EFL1: variants seen among roughly 807,000 people sequenced by gnomAD.
EFL1 encodes the protein elongation factor like GTPase 1.
EFL1 carries 76 observed loss-of-function variants against 126.7 expected under a neutral mutation model. The ratio of observed to expected loss-of-function variants is 0.60; its 90% CI spans 0.50 to 0.73. EFL1 has a LOEUF of 0.73. Ranked by LOEUF, EFL1 falls within the 30% of genes least tolerant of loss-of-function variation. The pLI, the probability that EFL1 is intolerant of heterozygous loss-of-function variation, is 0.00. For synonymous variants in EFL1, 410 were observed against 448.4 expected (o/e 0.91, Z 1.08); for missense variants, 1,128 against 1,343.2 (o/e 0.84, Z 2.50).
chr15:82,152,531 T>C (rs796120470), intron 17 of EFL1, 108 bp from the exon 18 acceptor site: 13 of 970,064 alleles, frequency 1.3e-5, no homozygotes, highest in African/African-American at 9.9e-5. Flanking sequence ...CATAGGAACA[T>C]AAAAATTATC....
intron 12 of EFL1, among the ~76,000 whole-genome samples, chr15:82,221,400 C>T (rs999869034): frequency 6.6e-6 from 1 of 152,176 alleles, no homozygotes; most frequent in Non-Finnish European, 1.5e-5. Flanking sequence ...GCTCCTGATG[C>T]AAAGTGGCCT....
At chr15:82,251,412 G>C (rs1042128858) in intron 4 of EFL1, among the ~76,000 whole-genome samples, 2 of 152,104 alleles carry the variant, frequency 1.3e-5, no homozygotes, top group African/African-American at 4.8e-5. Context: ...CCTTAATAAA[G>C]TGGTTAAAGG....
intron 15 of EFL1, among the ~76,000 whole-genome samples, chr15:82,208,176 A>G (rs1467059635): frequency 6.6e-6 from 1 of 152,244 alleles, no homozygotes; most frequent in East Asian, 1.9e-4. Context: ...ACACAAATAT[A>G]CAGAACTGAA....
chr15:82,241,211 A>G, intron 5 of EFL1, 59 bp downstream of exon 5: 1 of 1,590,486 alleles, frequency 6.3e-7, no homozygotes, highest in South Asian at 1.1e-5. Flanking sequence ...AAAGTCAGTC[A>G]GTTCCCCCTC....
intron 16 of EFL1, among the ~76,000 whole-genome samples, chr15:82,163,402 G>A (rs573532269): frequency 6.6e-6 from 1 of 152,282 alleles, no homozygotes; most frequent in African/African-American, 2.4e-5. Context: ...TTAGCCAGGT[G>A]TGGTGGTGGA....
Position 82,187,092 on chromosome 15 carries a change from GA to G in EFL1, c.1751-23109del, listed in dbSNP as rs1226114495. Reference sequence around the variant, plus strand: ...TTTTTATCCATTTTAAAGAGTAATTGAAAAAATGTTCTTTATTATACATCAT... The same window carrying G: ...TTTTTATCCATTTTAAAGAGTAATTGAAAAATGTTCTTTATTATACATCAT... On this transcript the variant is annotated intron_variant, in intron 15 of 19. Transcript: ENST00000268206. 3.3e-5 allele frequency among the ~76,000 whole-genome samples: 5 copies of G among 152,172 alleles called. No homozygotes were observed. In the East Asian group the frequency reaches 9.6e-4, roughly 29 times the overall value.
At chr15:82,220,258 C>A (rs745591610) in intron 12 of EFL1, 29 bp from the exon 13 acceptor site, 1 of 1,551,194 alleles carries the variant, frequency 6.4e-7, no homozygotes, top group Admixed American at 2.0e-5. Context: ...ATGCTGTCAT[C>A]TCTCAGTTCA....
chr15:82,258,140 T>C (rs2075082120), intron 3 of EFL1, among the ~76,000 whole-genome samples: 1 of 152,194 alleles, frequency 6.6e-6, no homozygotes, highest in East Asian at 1.9e-4. Context: ...ATAAACCCTA[T>C]TGATCATATC....
At chr15:82,252,484 C>T (rs565412143) in intron 4 of EFL1, among the ~76,000 whole-genome samples, 1 of 152,302 alleles carries the variant, frequency 6.6e-6, no homozygotes, top group African/African-American at 2.4e-5. Flanking sequence ...GTGTGAATTG[C>T]CAGTTCTTCT....
chr15:82,165,438 G>A (rs1032427027), intron 15 of EFL1, among the ~76,000 whole-genome samples: 7 of 152,140 alleles, frequency 4.6e-5, no homozygotes, highest in African/African-American at 1.4e-4. Context: ...CCAGACTGGT[G>A]GAGAGGAACT....
chr15:82,204,164 G>A (rs2074500576), intron 15 of EFL1, among the ~76,000 whole-genome samples: 1 of 151,600 alleles, frequency 6.6e-6, no homozygotes, highest in Admixed American at 6.6e-5. Context: ...TCTAATGTCT[G>A]CCACATGTCA....
intron 15 of EFL1, among the ~76,000 whole-genome samples, chr15:82,179,350 T>A (rs1377632744): frequency 6.6e-6 from 1 of 152,154 alleles, no homozygotes; most frequent in East Asian, 1.9e-4. Flanking sequence ...AATTTTTTTT[T>A]AAAGCTTTGC....
At chr15:82,261,197 C>T (rs576102813) in intron 2 of EFL1, among the ~76,000 whole-genome samples, 6 of 151,872 alleles carry the variant, frequency 4.0e-5, no homozygotes, top group Non-Finnish European at 5.9e-5. Flanking sequence ...GTTCTCCCAA[C>T]CTTAGAGTCT....
intron 4 of EFL1, among the ~76,000 whole-genome samples, chr15:82,243,708 TAC>T (rs111562570): frequency 0.45 from 58,700 of 129,772 alleles, 13,923 homozygotes; most frequent in African/African-American, 0.51. Flanking sequence ...TTATTGGAGT[TAC>T]AGACCTTTTA....
chr15:82,195,432 C>T (rs538398948), intron 15 of EFL1, among the ~76,000 whole-genome samples: 3 of 152,274 alleles, frequency 2.0e-5, no homozygotes, highest in Non-Finnish European at 4.4e-5. Flanking sequence ...AACCTCGTTG[C>T]CTACTCTAAA....
In EFL1 at chr15:82,220,167, T is replaced by A; in HGVS notation, c.1355A>T (p.Lys452Met). Reference sequence around the variant, plus strand: ...TGCCTGTCCCTGTGCTGCTGCAAGCTTCTCTGCATGCCTTTGTCTTGCACG... The same window carrying A: ...TGCCTGTCCCTGTGCTGCTGCAAGCATCTCTGCATGCCTTTGTCTTGCACG... Reference protein sequence around the residue: ...RERARQRHAEKLAAAQGQAPL... With the variant: ...RERARQRHAEMLAAAQGQAPL... The change falls in exon 13 of 20, where the codon AAG (lysine) becomes ATG (methionine). Residue 452 changes from lysine (K) to methionine (M), a missense_variant. Around this residue, in one of 6 missense-constraint regions of EFL1, gnomAD observed 120 missense variants for 142.1 expected, o/e 0.84. Coordinates refer to ENST00000268206, the MANE Select transcript of EFL1 (RefSeq NM_024580.6). 1.2e-6 allele frequency: 2 copies of A among 1,613,818 alleles called. No homozygotes were observed. Among genetic ancestry groups the A allele is most frequent in the South Asian group, 2.2e-5 (2 of 91,024 alleles).
chr15:82,174,682 G>A (rs910461648), intron 15 of EFL1, among the ~76,000 whole-genome samples: 2 of 152,134 alleles, frequency 1.3e-5, no homozygotes, highest in African/African-American at 4.8e-5. Flanking sequence ...AAGGTTCTGA[G>A]AGTGAGGAGT....
chr15:82,167,086 T>C (rs1315971569), intron 15 of EFL1, among the ~76,000 whole-genome samples: 2 of 152,208 alleles, frequency 1.3e-5, no homozygotes, highest in Non-Finnish European at 2.9e-5. Context: ...TCATGGATTA[T>C]AGAGGGCACC....
chr15:82,261,565 A>G, intron 2 of EFL1, 123 bp downstream of exon 2: 2 of 954,522 alleles, frequency 2.1e-6, no homozygotes, highest in Non-Finnish European at 3.1e-6. Context: ...AAAACTTTTA[A>G]AGAAAGAAGA....
Sources: gnomAD v4.1 joint callset for allele counts (sites outside exome capture counted in the v4.1 genomes callset) on GRCh38, gnomAD v4.1.1 for gene constraint, gnomAD v4.1.1 regional missense constraint, MANE v1.5 for transcripts, NCBI Gene and HGNC (gene_info 2026-07-23, HGNC 2026-07-21) for gene names.